CERKL: variants seen among roughly 807,000 people sequenced by gnomAD.
CERKL encodes the protein ceramide kinase-like protein.
Under a neutral mutation model 63.4 loss-of-function variants are expected in CERKL, and 61 were observed. The observed-to-expected ratio is 0.96, with a 90% confidence interval of 0.78 to 1.19. The LOEUF is 1.19. CERKL is among the 50% of genes most tolerant of loss of function. CERKL has a pLI of 0.00. For missense variants in CERKL, 675 were observed against 655.5 expected (o/e 1.03, Z -0.33); for synonymous variants, 250 against 230.5 (o/e 1.08, Z -0.77).
rs1559061864 is a variant in CERKL, at chr2:181,536,715, A to ATGAGGTTCTATTTTAAATGACTT, written c.*1446_*1468dup. 4.2e-6 allele frequency: 1 copy of ATGAGGTTCTATTTTAAATGACTT among 237,382 alleles called. No homozygotes were observed. Among genetic ancestry groups the ATGAGGTTCTATTTTAAATGACTT allele is most frequent in the Non-Finnish European group, 8.5e-6 (1 of 117,794 alleles). 14.7% of individuals were successfully genotyped at this position (237,382 alleles called of 1,614,324 possible). On this transcript the variant is annotated 3_prime_UTR_variant, in exon 13 of 13. Coordinates refer to ENST00000410087, the MANE Select transcript of CERKL (RefSeq NM_201548.5). Reference sequence around the variant, plus strand: ...TATTTTTATAGTTTGTTCATACTATATGAGGTTCTATTTTAAATGACTTTC... The same window carrying ATGAGGTTCTATTTTAAATGACTT: ...TATTTTTATAGTTTGTTCATACTATATGAGGTTCTATTTTAAATGACTTTGAGGTTCTATTTTAAATGACTTTC...
chr2:181,542,149 A>T (rs761872635), intron 11 of CERKL, among the ~76,000 whole-genome samples: 1 of 152,160 alleles, frequency 6.6e-6, no homozygotes, highest in Non-Finnish European at 1.5e-5. Flanking sequence ...GAAAGAGAAA[A>T]GTGTGGACAG....
chr2:181,608,395 A>G (rs1685811543), intron 1 of CERKL, among the ~76,000 whole-genome samples: 1 of 139,178 alleles, frequency 7.2e-6, no homozygotes, highest in South Asian at 2.6e-4. Flanking sequence ...ACCTAGAACA[A>G]TAAGAGCACA....
intron 1 of CERKL, among the ~76,000 whole-genome samples, chr2:181,638,208 T>C (rs1687268729): frequency 6.6e-6 from 1 of 152,176 alleles, no homozygotes; most frequent in Admixed American, 6.6e-5. Flanking sequence ...AAAACCTAAG[T>C]AACAAGGTAC....
At chr2:181,572,711 T>A (rs1202788713) in intron 3 of CERKL, among the ~76,000 whole-genome samples, 1 of 152,110 alleles carries the variant, frequency 6.6e-6, no homozygotes, top group Non-Finnish European at 1.5e-5. Context: ...GAGTTTTTCA[T>A]GGTAGTTTCT....
intron 1 of CERKL, among the ~76,000 whole-genome samples, chr2:181,623,051 G>A (rs1217540167): frequency 6.6e-6 from 1 of 152,166 alleles, no homozygotes; most frequent in East Asian, 1.9e-4. Context: ...TCTATGTAAG[G>A]AAAGTGAATG....
chr2:181,557,701 T>C (rs1421641879), intron 5 of CERKL, among the ~76,000 whole-genome samples: 2 of 152,094 alleles, frequency 1.3e-5, no homozygotes, highest in African/African-American at 4.8e-5. Context: ...ATCCCATTAT[T>C]CCCTACTGCT....
At position 181,558,846 on chromosome 2, in the gene CERKL, A is replaced by G; in HGVS notation, c.678-138T>C. ...CTCACATGTACCTTTAAACATGTTA[A>G]TATGTGTCAATGGGTAAGACAACAC... On this transcript the variant is annotated intron_variant, in intron 4 of 12. Transcript: ENST00000410087. This position sits in a 1 kb window ranked among gnomAD's most constrained non-coding sequence, Gnocchi z 4.2. 1 of 799,648 alleles carries G rather than the reference A, an allele frequency of 1.3e-6. No homozygotes were observed. The highest frequency in any genetic ancestry group is 2.1e-6 in the Non-Finnish European group (1 of 477,076). 49.5% of individuals were successfully genotyped at this position (799,648 alleles called of 1,614,324 possible).
At chr2:181,607,561 A>T (rs532801383) in intron 1 of CERKL, among the ~76,000 whole-genome samples, 2 of 152,244 alleles carry the variant, frequency 1.3e-5, no homozygotes, top group Admixed American at 1.3e-4. Context: ...AAAGCTGGAT[A>T]GTATATGCAA....
chr2:181,566,262 A>C, intron 3 of CERKL, 141 bp from the exon 4 acceptor site: 1 of 703,818 alleles, frequency 1.4e-6, no homozygotes, highest in Non-Finnish European at 2.6e-6. Flanking sequence ...TTATATTTTA[A>C]TCATGGGCAA....
At chr2:181,601,739 A>G (rs1685467119) in intron 2 of CERKL, among the ~76,000 whole-genome samples, 1 of 152,202 alleles carries the variant, frequency 6.6e-6, no homozygotes, top group African/African-American at 2.4e-5. Flanking sequence ...ACTTTGGTGC[A>G]GAGATGGAGC....
chr2:181,636,166 A>G (rs1192655136), intron 1 of CERKL, among the ~76,000 whole-genome samples: 1 of 152,190 alleles, frequency 6.6e-6, no homozygotes, highest in Non-Finnish European at 1.5e-5. Flanking sequence ...TTTGATGCTA[A>G]GATTTGGTAG....
At chr2:181,598,873 A>G (rs575399131) in intron 2 of CERKL, among the ~76,000 whole-genome samples, 71 of 145,528 alleles carry the variant, frequency 4.9e-4, no homozygotes, top group Non-Finnish European at 7.9e-4. Flanking sequence ...CCTCAAGGGG[A>G]AAAAAAAAAA....
At chr2:181,565,304 A>G (rs906112898) in intron 4 of CERKL, 1 of 694,246 alleles carries the variant, frequency 1.4e-6, no homozygotes, top group South Asian at 1.6e-5. Context: ...AAATTCTCAA[A>G]TATCTACTCA....
intron 2 of CERKL, among the ~76,000 whole-genome samples, chr2:181,582,516 C>CATATATATATATATATAT (rs59483712): frequency 3.5e-5 from 5 of 142,932 alleles, no homozygotes; most frequent in African/African-American, 1.3e-4. Flanking sequence ...ATATTGTCAA[C>CATATATATATATATATAT]ATATATATAT....
chr2:181,537,510 A>G lies in CERKL; in HGVS notation c.*674T>C, dbSNP rs200424277. 5.5e-5 allele frequency: 25 copies of G among 451,556 alleles called. No individual in the cohort carries two copies. Among genetic ancestry groups the G allele is most frequent in the South Asian group, 2.2e-4 (14 of 64,242 alleles). 28.0% of individuals were successfully genotyped at this position (451,556 alleles called of 1,614,324 possible). A position where few individuals can be genotyped will look rare whatever the true frequency, so the allele number is the denominator to read the frequency against. ...TATTCTTTTTTGGCAGGTAGGCTAT[A>G]TAACTATGTGATTTTGAAATTTAAC... On this transcript the variant is annotated 3_prime_UTR_variant, in exon 13 of 13. Coordinates refer to ENST00000410087, the MANE Select transcript of CERKL (RefSeq NM_201548.5).
At chr2:181,613,891 T>C (rs1259093901) in intron 1 of CERKL, among the ~76,000 whole-genome samples, 2 of 152,218 alleles carry the variant, frequency 1.3e-5, no homozygotes, top group East Asian at 3.8e-4. Context: ...TCCTAACATA[T>C]ATGAACATGT....
chr2:181,587,957 A>G (rs555171747), intron 2 of CERKL, among the ~76,000 whole-genome samples: 3 of 152,276 alleles, frequency 2.0e-5, no homozygotes, highest in Admixed American at 2.0e-4. Flanking sequence ...TGTGTACTAT[A>G]TGTTGAAGAC....
intron 1 of CERKL, among the ~76,000 whole-genome samples, chr2:181,636,510 C>T (rs1263714631): frequency 6.6e-6 from 1 of 152,054 alleles, no homozygotes; most frequent in East Asian, 1.9e-4. Flanking sequence ...AATGCCCAGC[C>T]TTTGTCACAC....
chr2:181,544,882 T>C (rs1008970617), intron 10 of CERKL, 86 bp from the exon 11 acceptor site: 3 of 737,472 alleles, frequency 4.1e-6, no homozygotes. Flanking sequence ...TTATAACAAG[T>C]ATACTGTTTA....
Sources: allele counts gnomAD v4.1 joint callset (sites outside exome capture counted in the v4.1 genomes callset), GRCh38; gene constraint gnomAD v4.1.1; non-coding constraint Gnocchi (gnomAD v3.1); transcripts MANE v1.5; gene names NCBI Gene and HGNC (gene_info 2026-07-23, HGNC 2026-07-21).